SCGB2A1: variants seen among roughly 807,000 people sequenced by gnomAD.
The protein encoded by SCGB2A1 is secretoglobin family 2A member 1.
Under a neutral mutation model 9.2 loss-of-function variants are expected in SCGB2A1, and 6 were observed. The ratio of observed to expected loss-of-function variants is 0.66; its 90% CI spans 0.36 to 1.29. The LOEUF (loss-of-function observed/expected upper bound fraction) is 1.29, where lower values mean the gene tolerates loss of function less well. Ranked by LOEUF, SCGB2A1 falls within the 50% of genes most tolerant of loss-of-function variation. The pLI is 0.03. For missense variants in SCGB2A1, 138 were observed against 116.9 expected (o/e 1.18, Z -0.83); for synonymous variants, 37 against 41.0 (o/e 0.90, Z 0.37).
intron 1 of SCGB2A1, 56 bp from the exon 2 acceptor site, chr11:62,210,357 A>T: frequency 1.3e-6 from 2 of 1,517,934 alleles, no homozygotes; most frequent in Non-Finnish European, 1.7e-6. Context: ...AATGAATCAC[A>T]CCTCTAGTAA....
chr11:62,210,273 T>G lies in SCGB2A1; in HGVS notation c.56-140T>G. On this transcript the variant is annotated intron_variant, in intron 1 of 2. Coordinates refer to ENST00000244930, the MANE Select transcript of SCGB2A1 (RefSeq NM_002407.3). ...TCCCAGAATTGAGAACTCTGCATAC[T>G]GCACCAAAATCTTTCTGAACCTCGG... The G allele has an allele frequency of 3.9e-6, 4 of 1,028,940 alleles. No individual in the cohort carries two copies. In the South Asian group the frequency reaches 6.0e-5, roughly 15 times the overall value. The allele number at this position is 1,028,940 out of a possible 1,614,324, so 63.7% of individuals were successfully genotyped here.
chr11:62,208,700 C>G lies in SCGB2A1; in HGVS notation c.-32C>G. The G allele has an allele frequency of 6.2e-7, 1 of 1,612,012 alleles. No individual in the cohort carries two copies. The highest frequency in any genetic ancestry group is 8.5e-7 in the Non-Finnish European group (1 of 1,178,712). On this transcript the variant is annotated 5_prime_UTR_variant, in exon 1 of 3. Transcript: ENST00000244930. ...AGCAACTTCCTTGATCCCTGCCACG[C>G]ACGACTGAACACAGACAGCAGCCGC...
chr11:62,213,091 C>CACATATATAT (rs57411910), intron 2 of SCGB2A1, among the ~76,000 whole-genome samples: 384 of 13,834 alleles, frequency 0.028, 23 homozygotes, highest in Non-Finnish European at 0.059. Context: ...CATATATACA[C>CACATATATAT]ATATATATAT....
chr11:62,213,193 C>T (rs1470092762), intron 2 of SCGB2A1, among the ~76,000 whole-genome samples: 1 of 149,572 alleles, frequency 6.7e-6, no homozygotes, highest in Non-Finnish European at 1.5e-5. Flanking sequence ...TCCTTGGCTT[C>T]CCAAAGTGCT....
chr11:62,209,937 AGTGCTGGGATTACAGGC>A (rs1467679405), intron 1 of SCGB2A1, among the ~76,000 whole-genome samples: 4 of 152,074 alleles, frequency 2.6e-5, no homozygotes, highest in African/African-American at 9.7e-5. Flanking sequence ...GGCCTCCCTA[AGTGCTGGGATTACAGGC>A]GTGAGCCACC....
chr11:62,212,995 T>TATGTGCAC (rs1565121365), intron 2 of SCGB2A1, among the ~76,000 whole-genome samples: 22 of 118,992 alleles, frequency 1.8e-4, no homozygotes, highest in African/African-American at 6.7e-4. Flanking sequence ...TATACATGCA[T>TATGTGCAC]ATATGTACAC....
chr11:62,208,786 G>A lies in SCGB2A1; in HGVS notation c.55G>A (p.Asp19Asn), dbSNP rs150383396. ...LAALLLHCYA[D>N]SGCKLLEDMV... ...GGCCCTCCTCCTGCACTGCTATGCA[G>A]GTGAGTTCTGGGCAGAGAGGGCTGC... Residue 19 changes from aspartate (D) to asparagine (N), a missense_variant and splice_region_variant, in exon 1 of 3, where the codon GAT becomes AAT. Coordinates refer to ENST00000244930, the MANE Select transcript of SCGB2A1 (RefSeq NM_002407.3). 28 of 1,613,078 alleles carry A rather than the reference G, an allele frequency of 1.7e-5. No homozygotes were observed. The South Asian group carries it at 2.0e-4, about 11-fold the overall frequency.
chr11:62,211,040 C>G (rs2134734270), intron 2 of SCGB2A1, among the ~76,000 whole-genome samples: 1 of 151,874 alleles, frequency 6.6e-6, no homozygotes, highest in East Asian at 1.9e-4. Context: ...TTGCCTGCCT[C>G]CACCTCCCGA....
rs180778458 is a variant in SCGB2A1 at position 62,213,024 on chromosome 11, A to G, written c.244-702A>G. Among the ~76,000 whole-genome samples, 328 of 58,272 alleles carry G rather than the reference A, an allele frequency of 5.6e-3. 10 individuals are homozygous for G. The highest frequency in any genetic ancestry group is 0.016 in the African/African-American group (279 of 17,108). 38.2% of individuals were successfully genotyped at this position (58,272 alleles called of 152,430 possible). On this transcript the variant is annotated intron_variant, in intron 2 of 2. Coordinates refer to ENST00000244930, the MANE Select transcript of SCGB2A1 (RefSeq NM_002407.3). Reference sequence around the variant, plus strand: ...TGTACACATATATGCACATATATACATATATACACACATATATACATATAT... The same window carrying G: ...TGTACACATATATGCACATATATACGTATATACACACATATATACATATAT...
At chr11:62,213,045 T>TGCACATATGTACAC (rs1944848263) in intron 2 of SCGB2A1, among the ~76,000 whole-genome samples, 2 of 77,212 alleles carry the variant, frequency 2.6e-5, no homozygotes, top group African/African-American at 8.0e-5. Context: ...CATATATACA[T>TGCACATATGTACAC]ATATACACAT....
At chr11:62,213,071 CATA>C (rs1944849390) in intron 2 of SCGB2A1, among the ~76,000 whole-genome samples, 1 of 12,810 alleles carries the variant, frequency 7.8e-5, no homozygotes. Flanking sequence ...CACATATATA[CATA>C]TATACACATA....
chr11:62,213,106 A>ATATATATATATATATT (rs67975205), intron 2 of SCGB2A1, among the ~76,000 whole-genome samples: 4 of 116,250 alleles, frequency 3.4e-5, no homozygotes, highest in African/African-American at 6.9e-5. Flanking sequence ...ATATATATAT[A>ATATATATATATATATT]TTTTTTTTTT....
chr11:62,213,630 T>C, intron 2 of SCGB2A1, 96 bp from the exon 3 acceptor site: 1 of 1,223,492 alleles, frequency 8.2e-7, no homozygotes, highest in Non-Finnish European at 1.2e-6. Context: ...GAGTTAGCTG[T>C]TTGTGGACAA....
chr11:62,212,995 T>TATGTACACAC, intron 2 of SCGB2A1, among the ~76,000 whole-genome samples: 1 of 118,992 alleles, frequency 8.4e-6, no homozygotes, highest in African/African-American at 3.1e-5. Context: ...TATACATGCA[T>TATGTACACAC]ATATGTACAC....
chr11:62,209,634 C>CGTGTGTGT (rs1565120340), intron 1 of SCGB2A1, among the ~76,000 whole-genome samples: 17 of 82,274 alleles, frequency 2.1e-4, no homozygotes, highest in East Asian at 6.9e-4. Context: ...ATTTCACATT[C>CGTGTGTGT]ATGTGTGTGT....
intron 2 of SCGB2A1, among the ~76,000 whole-genome samples, chr11:62,212,990 A>ACATATGTACACACATATG (rs1565121352): frequency 4.4e-5 from 6 of 134,848 alleles, no homozygotes; most frequent in African/African-American, 1.7e-4. Flanking sequence ...GCACATATAC[A>ACATATGTACACACATATG]TGCATATATG....
In SCGB2A1 at chr11:62,213,757, T is replaced by G; in HGVS notation, c.275T>G (p.Met92Arg). ...HTVYDSIWCN[M>R]KSN ...GTGTACGACAGCATTTGGTGTAATA[T>G]GAAGAGTAATTAACTTTACCCAAGG... The change falls in exon 3 of 3, where the codon ATG (methionine) becomes AGG (arginine). Residue 92 changes from methionine (M) to arginine (R), a missense_variant. Transcript: ENST00000244930. 1 of 1,614,056 alleles carries G rather than the reference T, an allele frequency of 6.2e-7. No individual in the cohort carries two copies. Among genetic ancestry groups the G allele is most frequent in the Non-Finnish European group, 8.5e-7 (1 of 1,179,956 alleles).
chr11:62,209,160 T>C (rs374961177), intron 1 of SCGB2A1, among the ~76,000 whole-genome samples: 1 of 152,070 alleles, frequency 6.6e-6, no homozygotes, highest in East Asian at 1.9e-4. Context: ...TGGAACGAAA[T>C]AGGAAACCTC....
At chr11:62,209,317 T>C (rs1944809048) in intron 1 of SCGB2A1, among the ~76,000 whole-genome samples, 1 of 152,020 alleles carries the variant, frequency 6.6e-6, no homozygotes, top group South Asian at 2.1e-4. Flanking sequence ...AGGTGAGAAC[T>C]CACAACCCCT....
Sources: allele counts gnomAD v4.1 joint callset (sites outside exome capture counted in the v4.1 genomes callset), GRCh38; gene constraint gnomAD v4.1.1; transcripts MANE v1.5; gene names NCBI Gene and HGNC (gene_info 2026-07-23, HGNC 2026-07-21).